The following TAF1 variants were observed in gnomAD, a reference collection of about 807,000 sequenced individuals.
The protein encoded by TAF1 is TATA-box binding protein associated factor 1, also known as transcription initiation factor TFIID subunit 1.
A neutral mutation model predicts 138.5 loss-of-function variants in TAF1; 2 were observed. The ratio of observed to expected loss-of-function variants is 0.01; its 90% confidence interval spans 0.01 to 0.05. The LOEUF (loss-of-function observed/expected upper bound fraction) is 0.05, where lower values mean the gene tolerates loss of function less well. Ranked by LOEUF, TAF1 falls within the 10% of genes least tolerant of loss-of-function variation. TAF1 has a pLI of 1.00. For missense variants in TAF1, 709 were observed against 1,478.0 expected (o/e 0.48, Z 8.53); for synonymous variants, 437 against 503.2 (o/e 0.87, Z 1.76).
chrX:71,372,591 A>C (rs1186829655), intron 3 of TAF1, among the ~76,000 whole-genome samples: 1 of 108,636 alleles, frequency 9.2e-6, no homozygotes, highest in African/African-American at 3.4e-5. Flanking sequence ...GTGAGCTATG[A>C]TTGAGCTTCT....
At chrX:71,392,774 G>A in intron 19 of TAF1, 56 bp downstream of exon 19, 1 of 1,190,953 alleles carries the variant, frequency 8.4e-7, no homozygotes. Flanking sequence ...AAATGGGTGA[G>A]TGGAGGACTT....
intron 32 of TAF1, among the ~76,000 whole-genome samples, chrX:71,445,468 T>C (rs2037650475): frequency 8.9e-6 from 1 of 111,756 alleles, no homozygotes; most frequent in Admixed American, 9.5e-5. Flanking sequence ...TTTTTGCCTA[T>C]GGATGTCCAG....
chrX:71,472,887 ATATT>A lies in TAF1; in HGVS notation c.1366+12088_1366+12091del, dbSNP rs2038914370. The stretch of plus-strand genomic sequence containing the variant: ...GTGACCACTTTTATCTGTTACAAAG[ATATT>A]TATGAGTTTTGATATGTAGTGTCAT... On this transcript the variant is annotated intron_variant and NMD_transcript_variant, in intron 13 of 14. Transcript: ENST00000373775. Among the ~76,000 whole-genome samples, 3 of 112,030 alleles carry A rather than the reference ATATT, an allele frequency of 2.7e-5. No homozygotes were observed. In the Admixed American group the frequency reaches 2.9e-4, roughly 11 times the overall value.
intron 13 of TAF1, among the ~76,000 whole-genome samples, chrX:71,526,246 A>G (rs2039996794): frequency 8.9e-6 from 1 of 112,298 alleles, no homozygotes; most frequent in African/African-American, 3.2e-5. Flanking sequence ...AGTTCTAACC[A>G]AGATAATGTT....
chrX:71,453,620 A>G (rs1381273284), intron 32 of TAF1, among the ~76,000 whole-genome samples: 1 of 110,764 alleles, frequency 9.0e-6, no homozygotes, highest in Admixed American at 9.6e-5. Flanking sequence ...TCCATGGTTC[A>G]TTCTTGGTGG....
chrX:71,455,080 G>A (rs769954382), intron 34 of TAF1: 2 of 1,131,739 alleles, frequency 1.8e-6, no homozygotes, highest in Non-Finnish European at 2.3e-6. Context: ...GAATGAATGG[G>A]GTGGGGCCTT....
chrX:71,400,614 C>T (rs766720593), intron 24 of TAF1, among the ~76,000 whole-genome samples: 26 of 111,799 alleles, frequency 2.3e-4, no homozygotes, highest in African/African-American at 8.1e-4. Context: ...AGCTTGGAAA[C>T]GGAAGATCTG....
At chrX:71,431,003 ATTTTTTTT>A (rs41481947) in intron 32 of TAF1, among the ~76,000 whole-genome samples, 8 of 68,599 alleles carry the variant, frequency 1.2e-4, no homozygotes, top group African/African-American at 2.6e-4. Flanking sequence ...GCTCAGAAGA[ATTTTTTTT>A]TTTTTTTTTT....
intron 18 of TAF1, among the ~76,000 whole-genome samples, chrX:71,391,081 C>T (rs150891583): frequency 8.6e-4 from 96 of 111,107 alleles, no homozygotes; most frequent in African/African-American, 3.0e-3. Context: ...ATCGTCCTGC[C>T]TTGGCCTTCT....
intron 5 of TAF1, 118 bp from the exon 6 acceptor site, chrX:71,377,485 C>T (rs1484642593): frequency 3.3e-6 from 3 of 912,778 alleles, no homozygotes; most frequent in East Asian, 6.7e-5. Flanking sequence ...GAATGCGACA[C>T]TCCTTTGTTT....
At chrX:71,473,257 G>C (rs1454609496) in intron 13 of TAF1, among the ~76,000 whole-genome samples, 1 of 111,030 alleles carries the variant, frequency 9.0e-6, no homozygotes, top group Non-Finnish European at 1.9e-5. Flanking sequence ...AGGCAGGTTG[G>C]GTGAGTGTGA....
At chrX:71,443,853 C>T (rs776734196) in intron 32 of TAF1, among the ~76,000 whole-genome samples, 1 of 111,457 alleles carries the variant, frequency 9.0e-6, no homozygotes, top group Non-Finnish European at 1.9e-5. Flanking sequence ...GGATTATAGG[C>T]GTCCGCCCCA....
At chrX:71,526,400 G>A (rs2147647447) in intron 13 of TAF1, among the ~76,000 whole-genome samples, 1 of 111,979 alleles carries the variant, frequency 8.9e-6, no homozygotes, top group South Asian at 3.7e-4. Context: ...ACAATTTATA[G>A]CAGAGTTTAA....
chrX:71,479,021 A>C (rs1280533989), intron 13 of TAF1, among the ~76,000 whole-genome samples: 1 of 112,846 alleles, frequency 8.9e-6, no homozygotes, highest in African/African-American at 3.2e-5. Context: ...AGAATTCAAG[A>C]GTGTTAATAG....
At chrX:71,482,441 A>G (rs2039088082) in intron 13 of TAF1, among the ~76,000 whole-genome samples, 1 of 112,386 alleles carries the variant, frequency 8.9e-6, no homozygotes, top group African/African-American at 3.2e-5. Flanking sequence ...CCTCAGAGAT[A>G]TTGTGGGTTC....
At chrX:71,381,657 TA>T in intron 8 of TAF1, 85 bp from the exon 9 acceptor site, 1 of 1,040,025 alleles carries the variant, frequency 9.6e-7, no homozygotes, top group Non-Finnish European at 1.3e-6. Flanking sequence ...CTAACATGAG[TA>T]ACTCTTTTTA....
At chrX:71,402,316 A>G (rs1336446840) in intron 25 of TAF1, among the ~76,000 whole-genome samples, 1 of 111,881 alleles carries the variant, frequency 8.9e-6, no homozygotes, top group Non-Finnish European at 1.9e-5. Flanking sequence ...TATGTTGGCC[A>G]GGCTGGACTC....
At chrX:71,386,542 G>GC (rs1014385276) in intron 14 of TAF1, among the ~76,000 whole-genome samples, 1 of 112,316 alleles carries the variant, frequency 8.9e-6, no homozygotes, top group Admixed American at 9.5e-5. Context: ...TTGGCTCACT[G>GC]CAACTTCTGC....
chrX:71,473,387 C>A (rs565803328), intron 13 of TAF1, among the ~76,000 whole-genome samples: 1 of 111,091 alleles, frequency 9.0e-6, no homozygotes, highest in South Asian at 3.8e-4. Context: ...AAGCCAGAGC[C>A]ATGGCCAGGT....
Sources: allele counts gnomAD v4.1 joint callset (sites outside exome capture counted in the v4.1 genomes callset), GRCh38; gene constraint gnomAD v4.1.1; transcripts MANE v1.5; gene names NCBI Gene and HGNC (gene_info 2026-07-23, HGNC 2026-07-21).